ANKS1B: variants seen among roughly 807,000 people sequenced by gnomAD.
ANKS1B encodes ankyrin repeat and sterile alpha motif domain-containing protein 1B.
A neutral mutation model predicts 148.3 loss-of-function variants in ANKS1B; 36 were observed. That is an observed-to-expected ratio of 0.24 (90% CI 0.19 to 0.32). ANKS1B has a LOEUF of 0.32. ANKS1B is among the 10% of genes least tolerant of loss of function. ANKS1B has a pLI of 1.00. For synonymous variants in ANKS1B, 542 were observed against 560.8 expected (o/e 0.97, Z 0.47); for missense variants, 1,157 against 1,542.6 (o/e 0.75, Z 4.19).
chr12:99,924,268 C>T (rs1305017574), intron 1 of ANKS1B, among the ~76,000 whole-genome samples: 1 of 152,084 alleles, frequency 6.6e-6, no homozygotes, highest in Admixed American at 6.6e-5. Flanking sequence ...TAATGCATGT[C>T]AGAAGCACTG....
chr12:98,921,936 G>C (rs1273586070), intron 17 of ANKS1B, among the ~76,000 whole-genome samples: 1 of 152,164 alleles, frequency 6.6e-6, no homozygotes. Context: ...AAGAAAAAAA[G>C]TCTACAGCAC....
intron 10 of ANKS1B, among the ~76,000 whole-genome samples, chr12:99,481,654 CCAGCAGTGA>C (rs1431831088): frequency 1.6e-4 from 25 of 152,086 alleles, no homozygotes; most frequent in African/African-American, 5.5e-4. Context: ...TACATTCTCA[CCAGCAGTGA>C]ATAGGTGTTC....
intron 17 of ANKS1B, among the ~76,000 whole-genome samples, chr12:98,833,864 C>T (rs1347025370): frequency 6.6e-6 from 1 of 152,150 alleles, no homozygotes. Flanking sequence ...TCTGTTTCTG[C>T]GTTAATTAAC....
chr12:99,755,650 A>G (rs558100609), intron 8 of ANKS1B, among the ~76,000 whole-genome samples: 14 of 151,508 alleles, frequency 9.2e-5, no homozygotes, highest in African/African-American at 3.1e-4. Context: ...GAAAAACCCT[A>G]TCCACCATAA....
intron 16 of ANKS1B, among the ~76,000 whole-genome samples, chr12:99,060,698 C>CACACACAT (rs1565823376): frequency 2.4e-5 from 1 of 42,070 alleles, no homozygotes; most frequent in Non-Finnish European, 5.8e-5. Context: ...CACACACACA[C>CACACACAT]ACATATATAT....
intron 11 of ANKS1B, among the ~76,000 whole-genome samples, chr12:99,411,632 A>G (rs2094710558): frequency 6.6e-6 from 1 of 152,206 alleles, no homozygotes; most frequent in Non-Finnish European, 1.5e-5. Flanking sequence ...TTTTCTCAAA[A>G]TGATAGCCTA....
At chr12:99,679,359 A>C (rs2098600624) in intron 8 of ANKS1B, among the ~76,000 whole-genome samples, 1 of 152,128 alleles carries the variant, frequency 6.6e-6, no homozygotes, top group Admixed American at 6.6e-5. Context: ...CCCAGGCTGG[A>C]GTGCAGTGGC....
At chr12:99,096,604 G>C (rs929760570) in intron 15 of ANKS1B, among the ~76,000 whole-genome samples, 1 of 152,046 alleles carries the variant, frequency 6.6e-6, no homozygotes, top group Non-Finnish European at 1.5e-5. Context: ...GCCACTAATT[G>C]TCCTTGGGTT....
rs893435353 is a variant in ANKS1B, at chr12:99,156,280, C to T, written c.2420-1885G>A. 2.7e-4 allele frequency among the ~76,000 whole-genome samples: 41 copies of T among 152,138 alleles called. 1 individual carries two copies. Among genetic ancestry groups the T allele is most frequent in the African/African-American group, 9.9e-4 (41 of 41,446 alleles). Reference sequence around the variant, plus strand: ...TTTAAGTTTACAGAACTGCCACCTACATTGATTTTGTTCTCATAGTTCAGG... The same window carrying T: ...TTTAAGTTTACAGAACTGCCACCTATATTGATTTTGTTCTCATAGTTCAGG... On this transcript the variant is annotated intron_variant, in intron 14 of 26. Transcript: ENST00000683438.
At chr12:99,211,084 C>T (rs1244920704) in intron 14 of ANKS1B, among the ~76,000 whole-genome samples, 1 of 152,150 alleles carries the variant, frequency 6.6e-6, no homozygotes, top group African/African-American at 2.4e-5. Flanking sequence ...TATGAGGACA[C>T]TATAAGCTAT....
At chr12:99,070,523 G>A (rs1373684654) in intron 16 of ANKS1B, among the ~76,000 whole-genome samples, 2 of 152,172 alleles carry the variant, frequency 1.3e-5, no homozygotes, top group Non-Finnish European at 2.9e-5. Flanking sequence ...TATTTCAGCT[G>A]TAATAACCAG....
At chr12:99,388,206 G>A (rs1803253117) in intron 12 of ANKS1B, among the ~76,000 whole-genome samples, 1 of 152,192 alleles carries the variant, frequency 6.6e-6, no homozygotes, top group Non-Finnish European at 1.5e-5. Flanking sequence ...AAGCCTAAAT[G>A]AGAGACATCA....
intron 9 of ANKS1B, among the ~76,000 whole-genome samples, chr12:99,652,194 TG>T (rs2098424812): frequency 6.6e-6 from 1 of 151,214 alleles, no homozygotes; most frequent in Non-Finnish European, 1.5e-5. Context: ...AGTGAGAGGC[TG>T]GGTGCAGTGG....
chr12:98,920,933 T>A (rs2099800565), intron 17 of ANKS1B, among the ~76,000 whole-genome samples: 1 of 152,206 alleles, frequency 6.6e-6, no homozygotes, highest in Admixed American at 6.5e-5. Context: ...AAGCTAAGGA[T>A]GAAAGCAAGT....
intron 8 of ANKS1B, among the ~76,000 whole-genome samples, chr12:99,758,459 G>A (rs888556188): frequency 6.6e-6 from 1 of 151,772 alleles, no homozygotes; most frequent in Non-Finnish European, 1.5e-5. Flanking sequence ...TGAGCACTGT[G>A]TTAGGTACTC....
chr12:99,429,745 C>T (rs1009074260), intron 11 of ANKS1B, among the ~76,000 whole-genome samples: 3 of 152,230 alleles, frequency 2.0e-5, no homozygotes, highest in East Asian at 1.9e-4. Context: ...GGGTGGATCA[C>T]GAGGTCAGGA....
intron 9 of ANKS1B, among the ~76,000 whole-genome samples, chr12:98,738,482 C>T (rs973478654): frequency 8.5e-5 from 13 of 152,170 alleles, no homozygotes; most frequent in African/African-American, 2.2e-4. Flanking sequence ...GAGGAGCACA[C>T]GTTCGCATTC....
chr12:99,726,643 C>T (rs551310949), intron 8 of ANKS1B, among the ~76,000 whole-genome samples: 141 of 152,220 alleles, frequency 9.3e-4, no homozygotes, highest in African/African-American at 3.3e-3. Context: ...TTTTATGAGG[C>T]CATCATCATC....
chr12:99,213,648 G>C (rs1255069647), intron 14 of ANKS1B, among the ~76,000 whole-genome samples: 1 of 152,166 alleles, frequency 6.6e-6, no homozygotes, highest in African/African-American at 2.4e-5. Context: ...CAAGTGCCAA[G>C]GCCTTCCCTT....
Sources: gnomAD v4.1 joint callset for allele counts (sites outside exome capture counted in the v4.1 genomes callset) on GRCh38, gnomAD v4.1.1 for gene constraint, MANE v1.5 for transcripts, NCBI Gene and HGNC (gene_info 2026-07-23, HGNC 2026-07-21) for gene names.